The following CP variants were observed in gnomAD, a reference collection of about 807,000 sequenced individuals.
CP encodes caeruloplasmin.
A neutral mutation model predicts 122.4 loss-of-function variants in CP; 64 were observed. The ratio of observed to expected loss-of-function variants is 0.52; its 90% CI spans 0.43 to 0.64. The LOEUF (loss-of-function observed/expected upper bound fraction) is 0.64. CP is among the 30% of genes least tolerant of loss of function. The pLI is 0.00. For missense variants in CP, 1,167 were observed against 1,284.4 expected (o/e 0.91, Z 1.40); for synonymous variants, 440 against 436.4 (o/e 1.01, Z -0.10).
chr3:149,202,149 G>T lies in CP; in HGVS notation c.1301C>A (p.Thr434Lys). ...VYREYTDASF[T>K]NRKERGPEEE... is the part of the protein sequence containing the mutation. ...TTCAGGGCCTCTCTCCTTTCGATTTGTGAAGGAGGCATCTGTGTACTCACG... is the reference window on the plus strand; with the variant it reads ...TTCAGGGCCTCTCTCCTTTCGATTTTTGAAGGAGGCATCTGTGTACTCACG... The change falls in exon 7 of 19, where the codon ACA (threonine) becomes AAA (lysine). Residue 434 changes from threonine (T) to lysine (K), a missense_variant. By Grantham distance (78) the Thr-to-Lys change is moderately conservative (BLOSUM62 -1). Transcript: ENST00000264613. 6.2e-7 allele frequency: 1 copy of T among 1,614,126 alleles called. No homozygotes were observed. Among genetic ancestry groups the T allele is most frequent in the Non-Finnish European group, 8.5e-7 (1 of 1,180,002 alleles).
rs1228803797 is a variant in CP, at chr3:149,179,546, T to G, written c.2661+10A>C. ...GGGAAGTGTCACAAAACAAATGATT[T>G]GTATTTTACCTTAACTTGATCCACA... On this transcript the variant is annotated intron_variant, in intron 15 of 18. Transcript: ENST00000264613. The G allele has an allele frequency of 6.3e-7, 1 of 1,598,274 alleles. No individual in the cohort carries two copies. The highest frequency in any genetic ancestry group is 1.3e-5 in the African/African-American group (1 of 74,678).
Position 149,207,348 on chromosome 3 carries a change from G to A in CP, c.1036+15C>T. 6.2e-7 allele frequency: 1 copy of A among 1,613,706 alleles called. No homozygotes were observed. Among genetic ancestry groups the A allele is most frequent in the Non-Finnish European group, 8.5e-7 (1 of 1,179,676 alleles). ...TTTTTCAGCTGACTGCTAATTTCAG[G>A]TAAAGATGTCCTACCTTTCAGATGG... On this transcript the variant is annotated intron_variant, in intron 5 of 18. Transcript: ENST00000264613.
intron 4 of CP, 105 bp downstream of exon 4, chr3:149,209,106 C>A (rs1329654695): frequency 7.0e-7 from 1 of 1,426,808 alleles, no homozygotes; most frequent in Non-Finnish European, 9.8e-7. Flanking sequence ...TTATAAGGAC[C>A]ACAGACTAGA....
chr3:149,202,435 TAAG>T (rs1727393753), intron 6 of CP, among the ~76,000 whole-genome samples, 194 bp from the exon 7 acceptor site: 1 of 152,068 alleles, frequency 6.6e-6, no homozygotes, highest in Non-Finnish European at 1.5e-5. Context: ...GATGGTCAGT[TAAG>T]AAGTAGAGAA....
intron 6 of CP, among the ~76,000 whole-genome samples, chr3:149,205,114 A>G (rs1348811336): frequency 6.6e-6 from 1 of 151,938 alleles, no homozygotes; most frequent in Admixed American, 6.6e-5. Context: ...GATCCTCAAC[A>G]TTACTAGTCA....
At chr3:149,179,146 C>T (rs1406954272) in intron 15 of CP, among the ~76,000 whole-genome samples, 2 of 152,144 alleles carry the variant, frequency 1.3e-5, no homozygotes, top group African/African-American at 4.8e-5. Flanking sequence ...TTCTTTTCTC[C>T]CTCCTTACAG....
rs1725825419 is a variant in CP at position 149,182,073 on chromosome 3, G to C, written c.2486C>G (p.Thr829Arg). The C allele has an allele frequency of 6.2e-7, 1 of 1,611,172 alleles. No homozygotes were observed. Among genetic ancestry groups the C allele is most frequent in the Admixed American group, 1.7e-5 (1 of 59,662 alleles). Residue 829 changes from threonine (T) to arginine (R), a missense_variant, in exon 14 of 19, where the codon ACA (threonine) becomes AGA (arginine). By Grantham distance (71) the Thr-to-Arg change is moderately conservative. This residue lies in a region of CP where 525 missense variants were observed against 657.2 expected (regional missense o/e 0.80). Coordinates refer to ENST00000264613, the MANE Select transcript of CP (RefSeq NM_000096.4). ...KVKIIFKNMA[T>R]RPYSIHAHGV... ...ATGGGCATGTATTGAGTAGGGCCTTGTGGCCATGTTTTTAAAGATAATTTT... is the reference window on the plus strand; with the variant it reads ...ATGGGCATGTATTGAGTAGGGCCTTCTGGCCATGTTTTTAAAGATAATTTT...
At chr3:149,179,720 AC>A (rs1725660120) in intron 14 of CP, 58 bp from the exon 15 acceptor site, 1 of 805,196 alleles carries the variant, frequency 1.2e-6, no homozygotes, top group Non-Finnish European at 2.1e-6. Context: ...GTACACACAC[AC>A]ACACACACAC....
chr3:149,191,826 T>G (rs1247904782), intron 9 of CP, among the ~76,000 whole-genome samples: 1 of 152,002 alleles, frequency 6.6e-6, no homozygotes, highest in Non-Finnish European at 1.5e-5. Flanking sequence ...GTGTTATGCA[T>G]AATATTAAGA....
intron 7 of CP, among the ~76,000 whole-genome samples, chr3:149,200,703 G>A (rs1727244358): frequency 6.6e-6 from 1 of 151,248 alleles, no homozygotes. Context: ...TAGAGATGGG[G>A]TTTCGCCATG....
At chr3:149,202,272 G>A in intron 6 of CP, 31 bp from the exon 7 acceptor site, 3 of 1,613,882 alleles carry the variant, frequency 1.9e-6, no homozygotes, top group Non-Finnish European at 2.5e-6. Flanking sequence ...TTAATGCTGG[G>A]GTTGAAGTAG....
intron 4 of CP, among the ~76,000 whole-genome samples, chr3:149,208,950 T>A (rs992514540): frequency 2.6e-5 from 4 of 152,204 alleles, no homozygotes; most frequent in African/African-American, 9.6e-5. Context: ...AATATATTAA[T>A]GTCACATACA....
At chr3:149,182,271 G>T (rs935036224) in intron 13 of CP, 138 bp from the exon 14 acceptor site, 2 of 931,300 alleles carry the variant, frequency 2.1e-6, no homozygotes, top group Non-Finnish European at 1.7e-6. Flanking sequence ...GCGTCCCAGG[G>T]AATTTGGAAT....
intron 9 of CP, among the ~76,000 whole-genome samples, chr3:149,189,748 A>G (rs919098719): frequency 6.6e-6 from 1 of 152,218 alleles, no homozygotes; most frequent in Non-Finnish European, 1.5e-5. Context: ...AGGGACTGGT[A>G]CAATCACCTG....
chr3:149,202,796 A>T (rs1727434321), intron 6 of CP, among the ~76,000 whole-genome samples: 1 of 148,878 alleles, frequency 6.7e-6, no homozygotes, highest in Non-Finnish European at 1.5e-5. Context: ...TCTTTAGTAG[A>T]GACAGGGTTT....
At chr3:149,176,481 G>A in intron 17 of CP, 69 bp from the exon 18 acceptor site, 1 of 1,248,130 alleles carries the variant, frequency 8.0e-7, no homozygotes, top group Non-Finnish European at 1.2e-6. Context: ...ATTTGTTAAT[G>A]TTCAGCTCAG....
chr3:149,189,703 A>G (rs1404297675), intron 9 of CP, among the ~76,000 whole-genome samples: 1 of 152,230 alleles, frequency 6.6e-6, no homozygotes, highest in African/African-American at 2.4e-5. Flanking sequence ...GTAAAGAACA[A>G]CAAAAGTCAT....
chr3:149,218,010 T>C (rs1331703357), intron 1 of CP: 2 of 254,428 alleles, frequency 7.9e-6, no homozygotes, highest in Non-Finnish European at 1.7e-5. Flanking sequence ...AACCCGGTAA[T>C]AATGTTTGTA....
chr3:149,167,744 G>T (rs946744377), downstream of CP: 4 of 671,006 alleles, frequency 6.0e-6, no homozygotes, highest in Admixed American at 2.4e-5. Flanking sequence ...ACTGGCTGCT[G>T]ATATAACTTA....
Sources: gnomAD v4.1 joint callset for allele counts (sites outside exome capture counted in the v4.1 genomes callset) on GRCh38, gnomAD v4.1.1 for gene constraint, gnomAD v4.1.1 regional missense constraint, MANE v1.5 for transcripts, NCBI Gene and HGNC (gene_info 2026-07-23, HGNC 2026-07-21) for gene names.